The following TBX15 variants were observed in gnomAD, a reference collection of about 807,000 sequenced individuals.
TBX15 encodes the protein T-box transcription factor 15, also known as T-box transcription factor TBX15.
In TBX15, 18 loss-of-function variants were observed where a neutral mutation model predicts 53.9. The ratio of observed to expected loss-of-function variants is 0.33; its 90% CI spans 0.23 to 0.49. TBX15 has a LOEUF of 0.49. Among genes scored for constraint, TBX15 ranks in the 20% least tolerant of loss-of-function variants. The pLI, the probability that TBX15 is intolerant of heterozygous loss-of-function variation, is 0.98. For synonymous variants in TBX15, 295 were observed against 278.0 expected (o/e 1.06, Z -0.61); for missense variants, 692 against 749.5 (o/e 0.92, Z 0.90).
intron 5 of TBX15, among the ~76,000 whole-genome samples, chr1:118,921,499 C>T (rs529511439): frequency 1.3e-4 from 20 of 152,304 alleles, no homozygotes; most frequent in Non-Finnish European, 2.5e-4. Flanking sequence ...TTGTAAAGCA[C>T]AGGCCAATTC....
chr1:118,954,368 C>G (rs1237455613), intron 1 of TBX15, among the ~76,000 whole-genome samples: 1 of 152,162 alleles, frequency 6.6e-6, no homozygotes, highest in Non-Finnish European at 1.5e-5. Flanking sequence ...TCTAAAAGCA[C>G]CAGCCTATCC....
At chr1:118,935,829 C>A (rs1655949646) in intron 1 of TBX15, among the ~76,000 whole-genome samples, 3 of 152,162 alleles carry the variant, frequency 2.0e-5, no homozygotes, top group Admixed American at 1.3e-4. Context: ...ATGTTTTACA[C>A]ATTACCTAAT....
intron 5 of TBX15, among the ~76,000 whole-genome samples, chr1:118,918,523 G>A (rs762303342): frequency 6.6e-6 from 1 of 152,138 alleles, no homozygotes; most frequent in South Asian, 2.1e-4. Flanking sequence ...GTAATCTCCT[G>A]TGCGACTAAA....
intron 7 of TBX15, among the ~76,000 whole-genome samples, chr1:118,896,074 T>A (rs1286051696): frequency 6.6e-6 from 1 of 152,184 alleles, no homozygotes; most frequent in Non-Finnish European, 1.5e-5. Flanking sequence ...CTTAAAACAT[T>A]ATGAGATTTT....
intron 5 of TBX15, among the ~76,000 whole-genome samples, chr1:118,915,118 C>A (rs1193089685): frequency 6.6e-6 from 1 of 152,124 alleles, no homozygotes; most frequent in Non-Finnish European, 1.5e-5. Flanking sequence ...GCCTTGGTAC[C>A]TTTGTGTCTG....
intron 1 of TBX15, among the ~76,000 whole-genome samples, chr1:118,979,366 C>T (rs970511029): frequency 3.3e-5 from 5 of 151,944 alleles, no homozygotes; most frequent in South Asian, 2.1e-4. Flanking sequence ...CGTCACGATC[C>T]CACAGGATGA....
chr1:118,986,506 C>T (rs989369991), intron 1 of TBX15, among the ~76,000 whole-genome samples: 1 of 152,192 alleles, frequency 6.6e-6, no homozygotes, highest in Admixed American at 6.5e-5. Context: ...TGAACTGTCA[C>T]TGCCTAAAGA....
chr1:118,966,192 A>C (rs576498050), intron 1 of TBX15, among the ~76,000 whole-genome samples: 2 of 152,362 alleles, frequency 1.3e-5, no homozygotes, highest in African/African-American at 4.8e-5. Flanking sequence ...CTTTAAGATG[A>C]AAAGAAGAAT....
Position 118,931,650 on chromosome 1 carries a change from C to T in TBX15, c.388G>A (p.Gly130Arg). ...ADLWKRFHDI[G>R]TEMIITKAGR... ...GCTTTGGTGATGATCATTTCAGTTC[C>T]AATATCATGGAACCGCTTCCAGAGG... Residue 130 changes from glycine (G) to arginine (R), a missense_variant, in exon 2 of 8, where the codon GGA (glycine) becomes AGA (arginine). Physicochemically the swap from Gly to Arg is moderately radical, Grantham distance 125. This residue lies in a region of TBX15 where 307 missense variants were observed against 347.5 expected (regional missense o/e 0.88). Transcript: ENST00000369429. 1 of 1,614,090 alleles carries T rather than the reference C, an allele frequency of 6.2e-7. No individual in the cohort carries two copies. Among genetic ancestry groups the T allele is most frequent in the East Asian group, 2.2e-5 (1 of 44,874 alleles).
chr1:118,965,074 A>G (rs1656995834), intron 1 of TBX15, among the ~76,000 whole-genome samples: 1 of 152,216 alleles, frequency 6.6e-6, no homozygotes, highest in African/African-American at 2.4e-5. Flanking sequence ...CCTGACTGAC[A>G]TGCCTTTTAT....
intron 1 of TBX15, among the ~76,000 whole-genome samples, chr1:118,977,192 C>T (rs1444222161): frequency 6.6e-6 from 1 of 152,212 alleles, no homozygotes; most frequent in Admixed American, 6.5e-5. Context: ...TTAACCACTA[C>T]ACTGTATAAT....
chr1:118,957,838 A>G (rs2489245), intron 1 of TBX15, among the ~76,000 whole-genome samples: 8,498 of 152,234 alleles, frequency 0.056, 278 homozygotes, highest in Middle Eastern at 0.085. Flanking sequence ...TCCATGGTGT[A>G]TATGTGCCAC....
rs774966019 is a variant in TBX15, at chr1:118,914,098, T to G, written c.926+17A>C. On this transcript the variant is annotated intron_variant, in intron 6 of 7. Coordinates refer to ENST00000369429, the MANE Select transcript of TBX15 (RefSeq NM_001330677.2). ...TGTCACATAGAAAAGAAGTGCCTCT[T>G]CCCCAGTGATTCTTACCTGTTTCTC... is the stretch of plus-strand genomic sequence containing the variant. The G allele has an allele frequency of 6.2e-7, 1 of 1,613,508 alleles. No homozygotes were observed.
intron 1 of TBX15, among the ~76,000 whole-genome samples, chr1:118,963,096 C>T (rs1656931623): frequency 6.6e-6 from 1 of 152,128 alleles, no homozygotes; most frequent in Non-Finnish European, 1.5e-5. Context: ...GCTGTAAAGC[C>T]TAACATTCTT....
chr1:118,963,131 T>G (rs1360349648), intron 1 of TBX15, among the ~76,000 whole-genome samples: 1 of 152,194 alleles, frequency 6.6e-6, no homozygotes, highest in African/African-American at 2.4e-5. Flanking sequence ...GTAGAGAATA[T>G]ACATCTAAGT....
rs528261875 is a variant in TBX15, at chr1:118,934,583, GA to G, written c.206-2752del. 8.3e-4 allele frequency among the ~76,000 whole-genome samples: 127 copies of G among 152,292 alleles called. 1 individual carries two copies. Among genetic ancestry groups the G allele is most frequent in the African/African-American group, 2.8e-3 (116 of 41,572 alleles). On this transcript the variant is annotated intron_variant, in intron 1 of 7. Coordinates refer to ENST00000369429, the MANE Select transcript of TBX15 (RefSeq NM_001330677.2). The stretch of plus-strand genomic sequence containing the variant: ...TGCCCAGCACTGTGCTAGATTCTGG[GA>G]AATAACAAAGTACACAATGGGACCT...
chr1:118,933,770 T>C (rs1036742021), intron 1 of TBX15, among the ~76,000 whole-genome samples: 8 of 152,172 alleles, frequency 5.3e-5, no homozygotes, highest in Admixed American at 5.2e-4. Context: ...TCACTTATCA[T>C]GAATACTGTA....
chr1:118,915,745 T>C (rs1347033320), intron 5 of TBX15, among the ~76,000 whole-genome samples: 2 of 152,212 alleles, frequency 1.3e-5, no homozygotes, highest in African/African-American at 4.8e-5. Context: ...TATTTTATTT[T>C]CTCTTTCAAG....
intron 1 of TBX15, among the ~76,000 whole-genome samples, chr1:118,932,142 T>A (rs1015104811): frequency 6.6e-6 from 1 of 152,152 alleles, no homozygotes; most frequent in African/African-American, 2.4e-5. Flanking sequence ...TGTCACCATG[T>A]TGAAGAGAAT....
Sources: allele counts gnomAD v4.1 joint callset (sites outside exome capture counted in the v4.1 genomes callset), GRCh38; gene constraint gnomAD v4.1.1; regional missense constraint gnomAD v4.1.1; transcripts MANE v1.5; gene names NCBI Gene and HGNC (gene_info 2026-07-23, HGNC 2026-07-21).